EYA4: variants seen among roughly 807,000 people sequenced by gnomAD.
EYA4 encodes protein phosphatase EYA4.
Under a neutral mutation model 87.9 loss-of-function variants are expected in EYA4, and 31 were observed. That is an observed-to-expected ratio of 0.35 (90% CI 0.27 to 0.48). The LOEUF (loss-of-function observed/expected upper bound fraction) is 0.48. EYA4 is among the 20% of genes least tolerant of loss of function. EYA4 has a pLI of 0.99. For missense variants in EYA4, 678 were observed against 761.4 expected, an observed-to-expected ratio of 0.89 and a Z score of 1.29; for synonymous variants, 263 against 270.6, an observed-to-expected ratio of 0.97 and a Z score of 0.28.
intron 11 of EYA4, among the ~76,000 whole-genome samples, chr6:133,469,422 C>T (rs944634987): frequency 5.9e-5 from 9 of 151,752 alleles, no homozygotes; most frequent in Non-Finnish European, 5.9e-5. Flanking sequence ...AAAATAAGAA[C>T]GAAGTTTGAA....
At chr6:133,528,674 C>G in intron 19 of EYA4, 51 bp from the exon 20 acceptor site, 3 of 1,237,676 alleles carry the variant, frequency 2.4e-6, no homozygotes, top group Non-Finnish European at 2.4e-6. Context: ...TCTCTCCATG[C>G]CTCATTCCTT....
intron 2 of EYA4, among the ~76,000 whole-genome samples, chr6:133,284,993 T>G (rs1357850460): frequency 6.6e-6 from 1 of 151,452 alleles, no homozygotes; most frequent in Non-Finnish European, 1.5e-5. Context: ...TTTTTGTTTT[T>G]TTTTTTGTTT....
At position 133,340,948 on chromosome 6, in the gene EYA4, A is replaced by G. The variant is rs960214427; in HGVS notation, c.34-41444A>G. On this transcript the variant is annotated intron_variant, in intron 2 of 19. Transcript: ENST00000355286. Reference sequence around the variant, plus strand: ...GAAGGAGCAGTTAAAGTATGGATGTATTCTGAAGATTTAGCCAACACGGCT... The same window carrying G: ...GAAGGAGCAGTTAAAGTATGGATGTGTTCTGAAGATTTAGCCAACACGGCT... 4.6e-5 allele frequency among the ~76,000 whole-genome samples: 7 copies of G among 152,300 alleles called. No individual in the cohort carries two copies. The East Asian group carries it at 1.4e-3, about 29-fold the overall frequency.
chr6:133,377,331 C>T (rs1785777610), intron 2 of EYA4, among the ~76,000 whole-genome samples: 1 of 151,960 alleles, frequency 6.6e-6, no homozygotes, highest in Non-Finnish European at 1.5e-5. Flanking sequence ...ACTTTGAAAT[C>T]TGGTGTGCTT....
At chr6:133,520,232 A>G (rs1399935707) in intron 17 of EYA4, among the ~76,000 whole-genome samples, 1 of 150,708 alleles carries the variant, frequency 6.6e-6, no homozygotes, top group African/African-American at 2.4e-5. Flanking sequence ...ATATCTAGAA[A>G]ACCCCATTGT....
At chr6:133,441,723 G>A (rs538340171) in intron 3 of EYA4, among the ~76,000 whole-genome samples, 29 of 152,030 alleles carry the variant, frequency 1.9e-4, no homozygotes, top group Non-Finnish European at 4.1e-4. Context: ...GAATGAGTTG[G>A]GATGAAGCAG....
At chr6:133,389,005 C>A (rs192189786) in intron 3 of EYA4, among the ~76,000 whole-genome samples, 1 of 152,262 alleles carries the variant, frequency 6.6e-6, no homozygotes, top group Admixed American at 6.5e-5. Context: ...CTGCTACTTG[C>A]CTCTCTCCAC....
chr6:133,529,360 T>G lies in EYA4; in HGVS notation c.*555T>G, dbSNP rs1343957779. On this transcript the variant is annotated 3_prime_UTR_variant, in exon 20 of 20. Transcript: ENST00000355286. ...ACTTTCAAAGTGGATGCAATTTTTC[T>G]TTCTTTTGTTGGGGAGGGGAATGGG... The G allele has an allele frequency of 1.0e-6, 1 of 995,090 alleles. No individual in the cohort carries two copies. Among genetic ancestry groups the G allele is most frequent in the African/African-American group, 1.7e-5 (1 of 57,402 alleles). 61.6% of individuals were successfully genotyped at this position (995,090 alleles called of 1,614,324 possible).
intron 1 of EYA4, among the ~76,000 whole-genome samples, chr6:133,244,161 A>G (rs941094739): frequency 1.3e-5 from 2 of 152,198 alleles, no homozygotes; most frequent in African/African-American, 4.8e-5. Context: ...TACAATCAAT[A>G]TGGTTTTCAA....
intron 13 of EYA4, among the ~76,000 whole-genome samples, chr6:133,500,366 A>C (rs1266690598): frequency 6.6e-6 from 1 of 151,808 alleles, no homozygotes; most frequent in African/African-American, 2.4e-5. Context: ...TACCACTATA[A>C]CCCTACTTTT....
intron 2 of EYA4, among the ~76,000 whole-genome samples, chr6:133,302,385 A>C (rs550257427): frequency 6.6e-6 from 1 of 152,284 alleles, no homozygotes; most frequent in East Asian, 1.9e-4. Context: ...AAAAGGTTTA[A>C]GTGCCTGGGA....
At chr6:133,509,394 T>C (rs1170754578) in intron 14 of EYA4, among the ~76,000 whole-genome samples, 1 of 144,710 alleles carries the variant, frequency 6.9e-6, no homozygotes, top group East Asian at 2.0e-4. Flanking sequence ...CTCAGGGTGC[T>C]TTTCTTAAAA....
chr6:133,525,265 T>G lies in EYA4; in HGVS notation c.1839+11T>G. 6.2e-7 allele frequency: 1 copy of G among 1,603,924 alleles called. No homozygotes were observed. Among genetic ancestry groups the G allele is most frequent in the Non-Finnish European group, 8.5e-7 (1 of 1,170,916 alleles). On this transcript the variant is annotated intron_variant, in intron 19 of 19. Transcript: ENST00000355286. ...CAGGCAGCAAAAAAGGTAACCTGTC[T>G]CAAACAATGTCGGTGTGATACTTCT... is the stretch of plus-strand genomic sequence containing the variant.
intron 13 of EYA4, chr6:133,502,444 G>A (rs1798215997): frequency 6.6e-6 from 1 of 152,106 alleles, no homozygotes; most frequent in South Asian, 2.1e-4. Context: ...TAAAACTTGG[G>A]TTCAATCCAG....
chr6:133,368,790 G>A (rs1432762556), intron 2 of EYA4, among the ~76,000 whole-genome samples: 5 of 152,178 alleles, frequency 3.3e-5, no homozygotes, highest in East Asian at 1.9e-4. Context: ...ACCCAGTTTC[G>A]CAGCAGAAGC....
chr6:133,437,630 G>C (rs1254810228), intron 3 of EYA4, among the ~76,000 whole-genome samples: 1 of 152,198 alleles, frequency 6.6e-6, no homozygotes, highest in Non-Finnish European at 1.5e-5. Flanking sequence ...ATAGAGGAAA[G>C]AGGCTTAGTT....
chr6:133,462,889 C>A, intron 9 of EYA4, 125 bp downstream of exon 9: 1 of 885,190 alleles, frequency 1.1e-6, no homozygotes, highest in East Asian at 2.5e-5. Flanking sequence ...CACACAATTT[C>A]TAAAGAAAGA....
At chr6:133,358,011 A>T (rs1046060842) in intron 2 of EYA4, among the ~76,000 whole-genome samples, 5 of 152,138 alleles carry the variant, frequency 3.3e-5, no homozygotes, top group Non-Finnish European at 5.9e-5. Flanking sequence ...TTGCTACGGT[A>T]TAATATTTTC....
intron 2 of EYA4, among the ~76,000 whole-genome samples, chr6:133,288,956 T>C (rs2128293870): frequency 6.6e-6 from 1 of 152,224 alleles, no homozygotes; most frequent in South Asian, 2.1e-4. Flanking sequence ...AAGAGAGTTG[T>C]GGTAAGAAAA....
Sources: allele counts gnomAD v4.1 joint callset (sites outside exome capture counted in the v4.1 genomes callset), GRCh38; gene constraint gnomAD v4.1.1; transcripts MANE v1.5; gene names NCBI Gene and HGNC (gene_info 2026-07-23, HGNC 2026-07-21).